Variants in ANKH observed in about 807,000 individuals in gnomAD.
The protein encoded by ANKH is mineralization regulator ANKH.
Under a neutral mutation model 49.0 loss-of-function variants are expected in ANKH, and 15 were observed. The observed-to-expected ratio is 0.31, with a 90% CI of 0.20 to 0.47. The LOEUF is 0.47. Among genes scored for constraint, ANKH ranks in the 20% least tolerant of loss-of-function variants. The pLI, the probability that ANKH is intolerant of heterozygous loss-of-function variation, is 1.00. For synonymous variants in ANKH, 273 were observed against 260.0 expected, an observed-to-expected ratio of 1.05 and a Z score of -0.48; for missense variants, 429 against 652.0, an observed-to-expected ratio of 0.66 and a Z score of 3.72.
In ANKH at chr5:14,843,549, G is replaced by GAAAAAAAAAAAAA. The variant is rs60487783; in HGVS notation, c.96+27790_96+27802dup. 8.2e-5 allele frequency among the ~76,000 whole-genome samples: 5 copies of GAAAAAAAAAAAAA among 61,006 alleles called. 1 individual carries two copies. The highest frequency in any genetic ancestry group is 5.7e-4 in the East Asian group (1 of 1,754). 40.0% of individuals were successfully genotyped at this position (61,006 alleles called of 152,430 possible). A position where few individuals can be genotyped will look rare whatever the true frequency, so the allele number is the denominator to read the frequency against. On this transcript the variant is annotated intron_variant, in intron 1 of 11. Coordinates refer to ENST00000284268, the MANE Select transcript of ANKH (RefSeq NM_054027.6). ...CCCAAACAACTATCAGGGGATTAGC[G>GAAAAAAAAAAAAA]AAAAAAAAAAAAAAAAAAAAGAGCC... is the stretch of plus-strand genomic sequence containing the variant.
At chr5:14,787,051 C>T (rs1048090318) in intron 1 of ANKH, among the ~76,000 whole-genome samples, 2 of 151,570 alleles carry the variant, frequency 1.3e-5, no homozygotes, top group African/African-American at 4.9e-5. Context: ...CGGTGGCTCA[C>T]GCCTGTAATT....
intron 1 of ANKH, among the ~76,000 whole-genome samples, chr5:14,799,315 C>T (rs1484036766): frequency 6.6e-6 from 1 of 152,210 alleles, no homozygotes; most frequent in African/African-American, 2.4e-5. Context: ...GCAGCAAGTG[C>T]TTATGTAGGA....
intron 3 of ANKH, among the ~76,000 whole-genome samples, chr5:14,758,089 A>G (rs1738958856): frequency 6.6e-6 from 1 of 152,266 alleles, no homozygotes. Flanking sequence ...AAAGTGACTC[A>G]GCCTTAAAAA....
intron 1 of ANKH, among the ~76,000 whole-genome samples, chr5:14,819,013 A>G (rs1020899645): frequency 1.3e-5 from 2 of 152,214 alleles, no homozygotes; most frequent in African/African-American, 4.8e-5. Context: ...GTTTTGACAC[A>G]GAGACCGAAA....
At chr5:14,761,709 A>G (rs1007060171) in intron 2 of ANKH, among the ~76,000 whole-genome samples, 2 of 149,034 alleles carry the variant, frequency 1.3e-5, no homozygotes, top group East Asian at 2.0e-4. Flanking sequence ...CCGTAAATCA[A>G]TGAGTATTCC....
At chr5:14,824,362 G>A (rs565878540) in intron 1 of ANKH, among the ~76,000 whole-genome samples, 3 of 152,148 alleles carry the variant, frequency 2.0e-5, no homozygotes, top group Middle Eastern at 6.8e-3. Flanking sequence ...GGGCAACAAC[G>A]GCTGGGTGAT....
rs984078803 is a variant in ANKH at position 14,818,751 on chromosome 5, C to G, written c.97-49560G>C. Among the ~76,000 whole-genome samples the G allele has an allele frequency of 5.3e-5, 8 of 151,700 alleles. No homozygotes were observed. The East Asian group carries it at 5.8e-4, about 11-fold the overall frequency. ...ACCCCTAGTCTCAAGGTTGCCACTT[C>G]CAATGGAAACAGCAATTCTGCCCTT... On this transcript the variant is annotated intron_variant, in intron 1 of 11. Coordinates refer to ENST00000284268, the MANE Select transcript of ANKH (RefSeq NM_054027.6).
At chr5:14,785,828 G>A (rs1739956395) in intron 1 of ANKH, among the ~76,000 whole-genome samples, 1 of 152,006 alleles carries the variant, frequency 6.6e-6, no homozygotes, top group Non-Finnish European at 1.5e-5. Flanking sequence ...GCTGAGGTGG[G>A]TGGATTACAA....
At chr5:14,740,840 G>A (rs115430543) in intron 8 of ANKH, among the ~76,000 whole-genome samples, 3,212 of 152,248 alleles carry the variant, frequency 0.021, 102 homozygotes, top group African/African-American at 0.073. Context: ...ACACCTTCAC[G>A]GCCTCCGGTC....
rs1018638714 is a variant in ANKH at position 14,719,707 on chromosome 5, G to A, written c.1012-2872C>T. Among the ~76,000 whole-genome samples, 8 of 152,150 alleles carry A rather than the reference G, an allele frequency of 5.3e-5. No homozygotes were observed. The South Asian group carries it at 8.3e-4, about 16-fold the overall frequency. On this transcript the variant is annotated intron_variant, in intron 8 of 11. Coordinates refer to ENST00000284268, the MANE Select transcript of ANKH (RefSeq NM_054027.6). Reference sequence around the variant, plus strand: ...TCAGGGCTCAGCGTCAGAGTTTATCGTAGTCACAATCCATCAAGAGTTGGG... The same window carrying A: ...TCAGGGCTCAGCGTCAGAGTTTATCATAGTCACAATCCATCAAGAGTTGGG...
At chr5:14,719,953 G>A (rs1469855806) in intron 8 of ANKH, among the ~76,000 whole-genome samples, 1 of 152,184 alleles carries the variant, frequency 6.6e-6, no homozygotes, top group Non-Finnish European at 1.5e-5. Context: ...TTCTTAAAAT[G>A]CAAGTGATTC....
intron 11 of ANKH, among the ~76,000 whole-genome samples, chr5:14,712,518 A>C (rs7341009): frequency 6.6e-6 from 1 of 152,152 alleles, no homozygotes; most frequent in Admixed American, 6.5e-5. Context: ...CATTGGTATC[A>C]CTGTCCCCTC....
At chr5:14,799,988 A>G (rs1740520376) in intron 1 of ANKH, among the ~76,000 whole-genome samples, 1 of 152,194 alleles carries the variant, frequency 6.6e-6, no homozygotes, top group Non-Finnish European at 1.5e-5. Flanking sequence ...GATGCCATTA[A>G]GAGAACATTC....
intron 4 of ANKH, among the ~76,000 whole-genome samples, chr5:14,754,641 G>C (rs1738821952): frequency 6.6e-6 from 1 of 152,250 alleles, no homozygotes. Context: ...ACTTATAATA[G>C]TGATCCACGG....
intron 2 of ANKH, among the ~76,000 whole-genome samples, chr5:14,759,903 C>T (rs1261592742): frequency 1.3e-5 from 2 of 151,948 alleles, no homozygotes; most frequent in Non-Finnish European, 2.9e-5. Flanking sequence ...TAATAATCTT[C>T]AGGTTTTTCA....
intron 1 of ANKH, among the ~76,000 whole-genome samples, chr5:14,839,328 C>G (rs1342546107): frequency 6.6e-6 from 1 of 151,952 alleles, no homozygotes; most frequent in African/African-American, 2.4e-5. Context: ...GTAGCGAAGA[C>G]AAGTAAAAAT....
At chr5:14,726,500 C>A (rs34617159) in intron 8 of ANKH, among the ~76,000 whole-genome samples, 5,725 of 152,096 alleles carry the variant, frequency 0.038, 153 homozygotes, top group Admixed American at 0.082. Flanking sequence ...AGGGTTTGGA[C>A]TGGTGGGGAA....
intron 1 of ANKH, among the ~76,000 whole-genome samples, chr5:14,836,157 T>C (rs1040192348): frequency 6.6e-6 from 1 of 152,042 alleles, no homozygotes; most frequent in Non-Finnish European, 1.5e-5. Context: ...CCACAGCCAA[T>C]ATCATACTGA....
intron 1 of ANKH, among the ~76,000 whole-genome samples, chr5:14,867,436 C>A (rs1193709182): frequency 6.6e-6 from 1 of 152,120 alleles, no homozygotes; most frequent in Admixed American, 6.5e-5. Context: ...GATTCTCAAT[C>A]TGTAAAAATT....
Sources: allele counts gnomAD v4.1 joint callset (sites outside exome capture counted in the v4.1 genomes callset), GRCh38; gene constraint gnomAD v4.1.1; transcripts MANE v1.5; gene names NCBI Gene and HGNC (gene_info 2026-07-23, HGNC 2026-07-21).